Variants in SARNP observed in about 807,000 individuals in gnomAD.
The protein encoded by SARNP is SAP domain-containing ribonucleoprotein.
SARNP carries 5 observed loss-of-function variants against 38.1 expected under a neutral mutation model. The ratio of observed to expected loss-of-function variants is 0.13; its 90% CI spans 0.07 to 0.28. The LOEUF (loss-of-function observed/expected upper bound fraction) is 0.28. Ranked by LOEUF, SARNP falls within the 10% of genes least tolerant of loss-of-function variation. SARNP has a pLI of 1.00. For synonymous variants in SARNP, 84 were observed against 80.6 expected (o/e 1.04, Z -0.23); for missense variants, 180 against 243.9 (o/e 0.74, Z 1.75).
At chr12:55,768,282 C>T (rs910929431) in intron 9 of SARNP, among the ~76,000 whole-genome samples, 18 of 151,378 alleles carry the variant, frequency 1.2e-4, no homozygotes, top group Admixed American at 5.3e-4. Flanking sequence ...CCTGCCACCA[C>T]GCCCAGCTAA....
chr12:55,780,417 G>T (rs1371383739), intron 9 of SARNP, among the ~76,000 whole-genome samples: 2 of 151,960 alleles, frequency 1.3e-5, no homozygotes, highest in Non-Finnish European at 2.9e-5. Context: ...TTGCGCCACT[G>T]CATTCCAGCC....
intron 9 of SARNP, among the ~76,000 whole-genome samples, chr12:55,782,264 T>C (rs1056833649): frequency 6.6e-6 from 1 of 152,230 alleles, no homozygotes; most frequent in Non-Finnish European, 1.5e-5. Context: ...ATCAGTAACA[T>C]ATACTGCCCT....
chr12:55,780,501 G>A (rs1879313099), intron 9 of SARNP, among the ~76,000 whole-genome samples: 1 of 151,232 alleles, frequency 6.6e-6, no homozygotes, highest in Non-Finnish European at 1.5e-5. Context: ...GAAAAGAAAA[G>A]AAAAGAAAAG....
intron 4 of SARNP, among the ~76,000 whole-genome samples, chr12:55,796,757 C>T (rs1341025457): frequency 6.6e-6 from 1 of 152,070 alleles, no homozygotes; most frequent in Admixed American, 6.6e-5. Flanking sequence ...TAAGTACCAC[C>T]TCCCAATGTT....
chr12:55,796,071 G>A lies in SARNP; in HGVS notation c.257C>T (p.Ala86Val). 1 of 1,606,862 alleles carries A rather than the reference G, an allele frequency of 6.2e-7. No homozygotes were observed. Among genetic ancestry groups the A allele is most frequent in the Non-Finnish European group, 8.5e-7 (1 of 1,173,750 alleles). The change falls in exon 5 of 11, where the codon GCA becomes GTA. Residue 86 changes from alanine to valine, a missense_variant. Physicochemically the swap from Ala to Val is moderately conservative, Grantham distance 64. This residue lies in a region of SARNP where 161 missense variants were observed against 194.1 expected (regional missense o/e 0.83). Transcript: ENST00000336133. Reference protein sequence around the residue: ...EPPEKTVDVAAEKKVVKITSE... With the variant: ...EPPEKTVDVAVEKKVVKITSE... Reference sequence around the variant, plus strand: ...TGTAATTTTCACCACTTTCTTCTCTGCTGCCCTAGAAAAGAAAGAGATTTT... The same window carrying A: ...TGTAATTTTCACCACTTTCTTCTCTACTGCCCTAGAAAAGAAAGAGATTTT...
At chr12:55,813,614 G>A (rs190978303) in intron 1 of SARNP, among the ~76,000 whole-genome samples, 2 of 139,508 alleles carry the variant, frequency 1.4e-5, no homozygotes, top group East Asian at 2.1e-4. Flanking sequence ...GTGCCATATC[G>A]GCTCACCGCA....
chr12:55,801,696 C>A (rs1180161980), intron 2 of SARNP, among the ~76,000 whole-genome samples: 1 of 152,186 alleles, frequency 6.6e-6, no homozygotes, highest in Non-Finnish European at 1.5e-5. Context: ...CAGCTCCCTG[C>A]AGCCTCCCCC....
chr12:55,788,750 T>C (rs562322227), intron 9 of SARNP, among the ~76,000 whole-genome samples: 1 of 152,138 alleles, frequency 6.6e-6, no homozygotes, highest in Admixed American at 6.5e-5. Context: ...CAGTGAGCCG[T>C]GATCGCACCA....
chr12:55,814,873 TAA>T (rs779186349), intron 1 of SARNP, among the ~76,000 whole-genome samples: 36 of 135,128 alleles, frequency 2.7e-4, no homozygotes, highest in Middle Eastern at 3.9e-3. Flanking sequence ...CATCTCAATT[TAA>T]AAAAAAAAAA....
intron 9 of SARNP, among the ~76,000 whole-genome samples, chr12:55,766,080 T>C (rs986419378): frequency 1.3e-5 from 2 of 152,220 alleles, no homozygotes; most frequent in Non-Finnish European, 2.9e-5. Flanking sequence ...CCTCAGGCCA[T>C]GCTCAAGTGC....
intron 9 of SARNP, among the ~76,000 whole-genome samples, chr12:55,784,077 G>A (rs1879417380): frequency 6.6e-6 from 1 of 152,088 alleles, no homozygotes; most frequent in African/African-American, 2.4e-5. Flanking sequence ...TCGTAAGTTG[G>A]ATCAAGCAGA....
intron 2 of SARNP, 81 bp from the exon 3 acceptor site, chr12:55,800,981 T>C: frequency 8.3e-7 from 1 of 1,211,920 alleles, no homozygotes; most frequent in Non-Finnish European, 1.2e-6. Flanking sequence ...TTATAATCAC[T>C]TTGCTTTCCC....
chr12:55,794,627 A>G (rs1879767576), intron 6 of SARNP, among the ~76,000 whole-genome samples, 180 bp downstream of exon 6: 1 of 152,192 alleles, frequency 6.6e-6, no homozygotes, highest in African/African-American at 2.4e-5. Flanking sequence ...AATAAAGCTC[A>G]ATTTATAGCT....
rs1038655184 is a variant in SARNP at position 55,770,429 on chromosome 12, C to T, written c.502-9789G>A. 6.1e-5 allele frequency among the ~76,000 whole-genome samples: 9 copies of T among 147,990 alleles called. No homozygotes were observed. In the South Asian group the frequency reaches 1.1e-3, roughly 18 times the overall value. ...TTTTTTTCCGTATTTTTAGTAGAGACGGGTTTACACCGTGTTAGCCAGGAT... is the reference window on the plus strand; with the variant it reads ...TTTTTTTCCGTATTTTTAGTAGAGATGGGTTTACACCGTGTTAGCCAGGAT... On this transcript the variant is annotated intron_variant, in intron 9 of 10. Transcript: ENST00000336133.
chr12:55,771,255 G>A (rs970664167), intron 9 of SARNP, among the ~76,000 whole-genome samples: 3 of 151,984 alleles, frequency 2.0e-5, no homozygotes, highest in African/African-American at 7.3e-5. Context: ...ACTGTGCCCG[G>A]CCCACCTTCT....
chr12:55,797,895 A>G (rs567252648), intron 4 of SARNP, among the ~76,000 whole-genome samples: 3 of 152,266 alleles, frequency 2.0e-5, no homozygotes, highest in Admixed American at 2.0e-4. Context: ...CGATCACCCC[A>G]CCCACTTCAA....
intron 9 of SARNP, among the ~76,000 whole-genome samples, chr12:55,771,522 G>A (rs1879007902): frequency 6.6e-6 from 1 of 152,150 alleles, no homozygotes; most frequent in Non-Finnish European, 1.5e-5. Flanking sequence ...TGTGTGAGAA[G>A]CAGAAATTCC....
At chr12:55,786,324 G>A (rs1879492702) in intron 9 of SARNP, among the ~76,000 whole-genome samples, 1 of 152,254 alleles carries the variant, frequency 6.6e-6, no homozygotes, top group Non-Finnish European at 1.5e-5. Flanking sequence ...TTTTACTGCT[G>A]GGGTTCTCAC....
chr12:55,779,399 GAATTA>G (rs1287298991), intron 9 of SARNP, among the ~76,000 whole-genome samples: 1 of 152,182 alleles, frequency 6.6e-6, no homozygotes, highest in Admixed American at 6.5e-5. Flanking sequence ...GAGAAATGGA[GAATTA>G]AATTTTACAC....
Sources: allele counts gnomAD v4.1 joint callset (sites outside exome capture counted in the v4.1 genomes callset), GRCh38; gene constraint gnomAD v4.1.1; regional missense constraint gnomAD v4.1.1; transcripts MANE v1.5; gene names NCBI Gene and HGNC (gene_info 2026-07-23, HGNC 2026-07-21).